Variants in KAZN observed in about 807,000 individuals in gnomAD.
KAZN encodes kazrin.
In KAZN, 40 loss-of-function variants were observed where a neutral mutation model predicts 87.4. The observed-to-expected ratio is 0.46, with a 90% CI of 0.36 to 0.60. The LOEUF is 0.60. Among genes scored for constraint, KAZN ranks in the 20% least tolerant of loss-of-function variants. The pLI, the probability that KAZN is intolerant of heterozygous loss-of-function variation, is 0.00. For synonymous variants in KAZN, 466 were observed against 458.3 expected (o/e 1.02, Z -0.22); for missense variants, 898 against 1,073.9 (o/e 0.84, Z 2.29).
chr1:15,013,914 G>T (rs957742686), intron 2 of KAZN, among the ~76,000 whole-genome samples: 2 of 152,100 alleles, frequency 1.3e-5, no homozygotes, highest in African/African-American at 4.8e-5. Flanking sequence ...AAGTGCAAAG[G>T]CCCCGTGGCA....
rs71000337 is a variant in KAZN at position 14,758,153 on chromosome 1, TCCTC to T, written c.226+158944_226+158947del. 1.4e-3 allele frequency among the ~76,000 whole-genome samples: 212 copies of T among 149,214 alleles called. 1 individual carries two copies. Among genetic ancestry groups the T allele is most frequent in the African/African-American group, 4.8e-3 (194 of 40,524 alleles). Reference sequence around the variant, plus strand: ...CTCTTTCCTTCCCTCCTTCCTCCCTTCCTCCCTCCCTCCCTCCATTCCTTCCTTC... The same window carrying T: ...CTCTTTCCTTCCCTCCTTCCTCCCTTCCTCCCTCCCTCCATTCCTTCCTTC... On this transcript the variant is annotated intron_variant, in intron 1 of 14. Transcript: ENST00000376030.
At chr1:14,527,998 C>CCTATCTGTCTAT in intron 2 of KAZN, among the ~76,000 whole-genome samples, 1 of 145,182 alleles carries the variant, frequency 6.9e-6, no homozygotes, top group South Asian at 2.3e-4. Context: ...GGTCTAGAAT[C>CCTATCTGTCTAT]CTATCTATCT....
intron 1 of KAZN, among the ~76,000 whole-genome samples, chr1:14,751,641 T>C (rs1644415269): frequency 1.3e-5 from 2 of 152,098 alleles, no homozygotes; most frequent in African/African-American, 4.8e-5. Context: ...GGCACTAAGG[T>C]CTTTGCTCTT....
chr1:14,698,395 C>T (rs72636615), intron 1 of KAZN, among the ~76,000 whole-genome samples: 3,830 of 152,288 alleles, frequency 0.025, 78 homozygotes, highest in Non-Finnish European at 0.039. Context: ...AGACCTCCAC[C>T]GTCCCATCTG....
intron 1 of KAZN, among the ~76,000 whole-genome samples, chr1:14,753,018 T>C (rs112983137): frequency 0.026 from 3,889 of 152,220 alleles, 185 homozygotes; most frequent in African/African-American, 0.089. Flanking sequence ...TGCCAAATAC[T>C]GAAGAGTGCA....
intron 2 of KAZN, among the ~76,000 whole-genome samples, chr1:14,409,912 TAATC>T (rs1373821876): frequency 2.0e-5 from 3 of 152,158 alleles, no homozygotes; most frequent in East Asian, 1.9e-4. Flanking sequence ...ATTTTTTAAA[TAATC>T]AAATTTCTAG....
At chr1:14,656,257 T>C (rs1638784405) in intron 1 of KAZN, among the ~76,000 whole-genome samples, 1 of 152,182 alleles carries the variant, frequency 6.6e-6, no homozygotes, top group African/African-American at 2.4e-5. Context: ...AGCTGCTCTC[T>C]CAGAGTCGGA....
chr1:15,080,883 C>T (rs1033576446), intron 8 of KAZN, among the ~76,000 whole-genome samples: 1 of 152,192 alleles, frequency 6.6e-6, no homozygotes, highest in African/African-American at 2.4e-5. Context: ...ACTCGGTGCT[C>T]CCCAGCAGCT....
intron 8 of KAZN, among the ~76,000 whole-genome samples, chr1:15,084,762 T>C (rs1287954766): frequency 6.6e-6 from 1 of 152,160 alleles, no homozygotes; most frequent in Non-Finnish European, 1.5e-5. Context: ...ATGTAAATCC[T>C]CTCTGGAGAA....
intron 2 of KAZN, among the ~76,000 whole-genome samples, chr1:14,428,825 G>A (rs1665887293): frequency 6.6e-6 from 1 of 151,982 alleles, no homozygotes; most frequent in African/African-American, 2.4e-5. Context: ...TCTCCACCTG[G>A]TCCCTCCCAT....
chr1:14,370,622 C>G (rs1215689793), intron 2 of KAZN, among the ~76,000 whole-genome samples: 1 of 151,110 alleles, frequency 6.6e-6, no homozygotes, highest in Non-Finnish European at 1.5e-5. Flanking sequence ...ACCTATTGGG[C>G]TGAAAAACCT....
chr1:14,415,266 G>C (rs972048265), intron 2 of KAZN, among the ~76,000 whole-genome samples: 1 of 152,092 alleles, frequency 6.6e-6, no homozygotes, highest in Non-Finnish European at 1.5e-5. Context: ...ATACAATCCA[G>C]AGGCTGTAGT....
At chr1:14,461,216 C>T (rs1667832766) in intron 2 of KAZN, among the ~76,000 whole-genome samples, 1 of 152,082 alleles carries the variant, frequency 6.6e-6, no homozygotes, top group Non-Finnish European at 1.5e-5. Context: ...TTCAAAATTT[C>T]TGGGAGGGTG....
chr1:13,934,379 T>C (rs1197824963), intron 1 of KAZN, among the ~76,000 whole-genome samples: 1 of 152,198 alleles, frequency 6.6e-6, no homozygotes, highest in Non-Finnish European at 1.5e-5. Flanking sequence ...GCCATAAGCA[T>C]AGATAAGCCT....
chr1:13,963,763 G>C (rs1265998308), intron 1 of KAZN, among the ~76,000 whole-genome samples: 2 of 5,136 alleles, frequency 3.9e-4, no homozygotes, highest in Admixed American at 4.1e-3. Flanking sequence ...TGTGGTCTGT[G>C]TGTGTGTGTG....
intron 2 of KAZN, among the ~76,000 whole-genome samples, chr1:14,358,417 A>G (rs149220126): frequency 0.063 from 9,224 of 145,314 alleles, 330 homozygotes; most frequent in South Asian, 0.093. Context: ...TCGTGTCTCT[A>G]TCTCCTTCAG....
At chr1:14,791,750 C>T (rs76003469) in intron 1 of KAZN, among the ~76,000 whole-genome samples, 2,505 of 152,334 alleles carry the variant, frequency 0.016, 40 homozygotes, top group African/African-American at 0.042. Flanking sequence ...GAGCAGCTCC[C>T]GGCCTCCCTG....
chr1:14,401,514 T>C lies in KAZN; in HGVS notation c.250-197469T>C, dbSNP rs557455049. Among the ~76,000 whole-genome samples, 128 of 152,040 alleles carry C rather than the reference T, an allele frequency of 8.4e-4. 1 individual carries two copies. Among genetic ancestry groups the C allele is most frequent in the African/African-American group, 2.8e-3 (118 of 41,480 alleles). On this transcript the variant is annotated intron_variant, in intron 2 of 16. Transcript: ENST00000636203. ...TAAGGAATGCAAGGATAGTATGAAG[T>C]TTTAGAATCTATCAGTATAGGTCTG...
chr1:14,835,412 A>G (rs746859136), intron 1 of KAZN, among the ~76,000 whole-genome samples: 3 of 152,208 alleles, frequency 2.0e-5, no homozygotes, highest in Non-Finnish European at 4.4e-5. Flanking sequence ...AGGCAGAGCC[A>G]GAGAAAACCT....
Sources: allele counts gnomAD v4.1 joint callset (sites outside exome capture counted in the v4.1 genomes callset), GRCh38; gene constraint gnomAD v4.1.1; transcripts MANE v1.5; gene names NCBI Gene and HGNC (gene_info 2026-07-23, HGNC 2026-07-21).